ABCB6: variants seen among roughly 807,000 people sequenced by gnomAD.
ABCB6 encodes ATP-binding cassette sub-family B member 6.
In ABCB6, 87 loss-of-function variants were observed where a neutral mutation model predicts 99.4. That is an observed-to-expected ratio of 0.88 (90% confidence interval 0.74 to 1.05). ABCB6 has a LOEUF of 1.05. Ranked by LOEUF, ABCB6 falls within the 50% of genes least tolerant of loss-of-function variation. The probability of loss-of-function intolerance (pLI) is 0.00; values close to 1 mark genes in which losing one functional copy is unlikely to be tolerated. For synonymous variants in ABCB6, 482 were observed against 447.5 expected, an observed-to-expected ratio of 1.08 and a Z score of -0.97; for missense variants, 1,050 against 1,097.9, an observed-to-expected ratio of 0.96 and a Z score of 0.62.
Position 219,216,261 on chromosome 2 carries a change from G to C in ABCB6, c.971-81C>G. 1 of 1,577,158 alleles carries C rather than the reference G, an allele frequency of 6.3e-7. No individual in the cohort carries two copies. Among genetic ancestry groups the C allele is most frequent in the Non-Finnish European group, 8.6e-7 (1 of 1,156,386 alleles). The stretch of plus-strand genomic sequence containing the variant: ...CAGCACCAGGATGTGAAAGGTCTGA[G>C]AGTACATGGGGGCTGGGGAGGAATG... On this transcript the variant is annotated intron_variant, in intron 4 of 18. Coordinates refer to ENST00000265316, the MANE Select transcript of ABCB6 (RefSeq NM_005689.4). This position sits in a 1 kb window ranked among gnomAD's most constrained non-coding sequence, Gnocchi z 4.2.
At chr2:219,215,126 G>C (rs373729410) in intron 5 of ABCB6, 44 bp from the exon 6 acceptor site, 29 of 1,612,312 alleles carry the variant, frequency 1.8e-5, no homozygotes, top group Non-Finnish European at 2.2e-5. Context: ...TGGGGGCTTA[G>C]ACCCAGCAAC....
At chr2:219,212,529 G>T in intron 13 of ABCB6, 38 bp from the exon 14 acceptor site, 1 of 1,566,362 alleles carries the variant, frequency 6.4e-7, no homozygotes, top group Non-Finnish European at 8.8e-7. Context: ...CAGGCCCACT[G>T]GCTTTTTTTT....
chr2:219,218,368 T>G lies in ABCB6; in HGVS notation c.306A>C (p.Pro102=). The change falls in exon 1 of 19, where the codon CCA becomes CCC. Residue 102 remains proline (P), a synonymous_variant. Coordinates refer to ENST00000265316, the MANE Select transcript of ABCB6 (RefSeq NM_005689.4). ...AGRVGTARGA[P]LPSYLLLASV... is the part of the protein sequence containing the mutation. The stretch of plus-strand genomic sequence containing the variant: ...AGGCCAGAAGTAGATAGCTTGGCAG[T>G]GGGGCCCCCCGGGCAGTGCCCACCC... 1 of 1,612,776 alleles carries G rather than the reference T, an allele frequency of 6.2e-7. No individual in the cohort carries two copies. Among genetic ancestry groups the G allele is most frequent in the Non-Finnish European group, 8.5e-7 (1 of 1,179,872 alleles).
At chr2:219,215,707 C>T (rs1574814969) in intron 5 of ABCB6, 1 of 269,722 alleles carries the variant, frequency 3.7e-6, no homozygotes, top group Non-Finnish European at 7.0e-6. Flanking sequence ...TGCCACTGTA[C>T]TCCAGCCTGG....
rs1331682948 is a variant in ABCB6, at chr2:219,218,250, T to A, written c.424A>T (p.Ile142Phe). 1 of 1,613,598 alleles carries A rather than the reference T, an allele frequency of 6.2e-7. No individual in the cohort carries two copies. The highest frequency in any genetic ancestry group is 1.7e-5 in the Admixed American group (1 of 60,028). Residue 142 changes from isoleucine (I) to phenylalanine (F), a missense_variant, in exon 1 of 19, where the codon ATC (isoleucine) becomes TTC (phenylalanine). Coordinates refer to ENST00000265316, the MANE Select transcript of ABCB6 (RefSeq NM_005689.4). ...ARQRLAMGIW[I>F]KFRHSPGLLL... ...AGACCAGGGCTGTGCCTGAACTTGA[T>A]CCAGATGCCCATTGCCAGACGCTGC...
Position 219,213,904 on chromosome 2 carries a change from G to A in ABCB6, c.1500C>T (p.Thr500=), listed in dbSNP as rs766872448. The change falls in exon 9 of 19, where the codon ACC becomes ACT. Residue 500 remains threonine, a synonymous_variant. Coordinates refer to ENST00000265316, the MANE Select transcript of ABCB6 (RefSeq NM_005689.4). The part of the protein sequence containing the change: ...SSASLVLLNQ[T]QNLVIGLGLL... Reference sequence around the variant, plus strand: ...GCCCGAGCCCAATCACCAGGTTCTGGGTCTGATTTAGTAAAACCAGTGAAG... The same window carrying A: ...GCCCGAGCCCAATCACCAGGTTCTGAGTCTGATTTAGTAAAACCAGTGAAG... 2.5e-6 allele frequency: 4 copies of A among 1,614,104 alleles called. No homozygotes were observed. The South Asian group carries it at 4.4e-5, about 18-fold the overall frequency.
rs768732686 is a variant in ABCB6 at position 219,218,372 on chromosome 2, GC to G, written c.301del (p.Ala101ProfsTer149). On this transcript the variant is annotated frameshift_variant, in exon 1 of 19. Coordinates refer to ENST00000265316, the MANE Select transcript of ABCB6 (RefSeq NM_005689.4). LOFTEE classifies it high-confidence loss of function. ...CAGAAGTAGATAGCTTGGCAGTGGG[GC>G]CCCCCGGGCAGTGCCCACCCGGCCA... ...LAGRVGTARGAPLPSYLLLAS... is the reference protein window; with the variant it reads ...LAGRVGTARGXPLPSYLLLAS... 1.2e-6 allele frequency: 2 copies of G among 1,612,708 alleles called. No homozygotes were observed. The highest frequency in any genetic ancestry group is 2.7e-5 in the African/African-American group (2 of 75,050).
rs1055250460 is a variant in ABCB6 at position 219,212,872 on chromosome 2, T to C, written c.1863+136A>G. On this transcript the variant is annotated intron_variant, in intron 13 of 18. Transcript: ENST00000265316. ...CTCTCCAAGAGGTCACCAGTGTCCA[T>C]GGAGGCTGCACCATTCAATCCGGTT... 23 of 1,014,624 alleles carry C rather than the reference T, an allele frequency of 2.3e-5. No individual in the cohort carries two copies. The African/African-American group carries it at 3.4e-4, about 15-fold the overall frequency. The allele number at this position is 1,014,624 out of a possible 1,614,324, so 62.9% of individuals were successfully genotyped here.
At chr2:219,214,229 A>AT in intron 7 of ABCB6, 43 bp from the exon 8 acceptor site, 1 of 1,597,030 alleles carries the variant, frequency 6.3e-7, no homozygotes, top group Non-Finnish European at 8.6e-7. Flanking sequence ...GGCACAGCAC[A>AT]TGGCACTCGG....
At position 219,218,727 on chromosome 2, in the gene ABCB6, G is replaced by A; in HGVS notation, c.-54C>T. On this transcript the variant is annotated 5_prime_UTR_variant, in exon 1 of 19. Coordinates refer to ENST00000265316, the MANE Select transcript of ABCB6 (RefSeq NM_005689.4). ...CGGGCACTGCGGGACCGGAGGCCGG[G>A]ACTGGTCACTCGGAGAGGGGCGCGG... 6.7e-7 allele frequency: 1 copy of A among 1,489,998 alleles called. No individual in the cohort carries two copies. Among genetic ancestry groups the A allele is most frequent in the Non-Finnish European group, 8.9e-7 (1 of 1,119,988 alleles). The allele number at this position is 1,489,998 out of a possible 1,614,324, so 92.3% of individuals were successfully genotyped here. A position where few individuals can be genotyped will look rare whatever the true frequency, so the allele number is the denominator to read the frequency against.
At chr2:219,211,150 C>G (rs535103228) in intron 14 of ABCB6, 42 bp from the exon 15 acceptor site, 117 of 1,604,722 alleles carry the variant, frequency 7.3e-5, no homozygotes, top group Non-Finnish European at 8.8e-5. Flanking sequence ...TGAGATACCC[C>G]CAAGGCCTGG....
In ABCB6 at chr2:219,216,850, G is replaced by A. The variant is rs749806881; in HGVS notation, c.688-18C>T. ...GACCGAACCTAGGATGGTGAAACAC[G>A]TAGGAAGGGAGCTCAGAAATCAAGT... On this transcript the variant is annotated intron_variant, in intron 2 of 18. Transcript: ENST00000265316. The surrounding 1 kb of genome is among the most constrained non-coding windows in gnomAD (Gnocchi z 4.2). 49 of 1,599,156 alleles carry A rather than the reference G, an allele frequency of 3.1e-5. No individual in the cohort carries two copies. The East Asian group carries it at 4.9e-4, about 16-fold the overall frequency.
At position 219,215,973 on chromosome 2, in the gene ABCB6, A is replaced by G. The variant is rs112837517; in HGVS notation, c.1154+24T>C. 71 of 1,535,158 alleles carry G rather than the reference A, an allele frequency of 4.6e-5. 2 individuals are homozygous for G. In the African/African-American group the frequency reaches 6.3e-4, roughly 14 times the overall value. On this transcript the variant is annotated intron_variant, in intron 5 of 18. Coordinates refer to ENST00000265316, the MANE Select transcript of ABCB6 (RefSeq NM_005689.4). ...TGCTTCTCCGGCTCCACCCTCCCAC[A>G]TGCCCTTTCCACTGGGGCGGCACCT...
intron 13 of ABCB6, among the ~76,000 whole-genome samples, chr2:219,212,716 T>G (rs1235105876): frequency 6.6e-6 from 1 of 152,116 alleles, no homozygotes; most frequent in Non-Finnish European, 1.5e-5. Context: ...GAGATAGGGT[T>G]TCACCATGTT....
In ABCB6 at chr2:219,218,516, C is replaced by G; in HGVS notation, c.158G>C (p.Arg53Pro). The change falls in exon 1 of 19, where the codon CGG becomes CCG. Residue 53 changes from arginine to proline, a missense_variant. Transcript: ENST00000265316. ...ALVLALPCRR[R>P]ERPAGADSLS... ...CGAATCAGCACCAGCGGGCCGCTCC[C>G]GGCGTCTGCAGGGAAGAGCCAGCAC... is the stretch of plus-strand genomic sequence containing the variant. 6.2e-7 allele frequency: 1 copy of G among 1,609,952 alleles called. No individual in the cohort carries two copies. Among genetic ancestry groups the G allele is most frequent in the Non-Finnish European group, 8.5e-7 (1 of 1,178,712 alleles).
chr2:219,214,529 G>C (rs1440606350), intron 6 of ABCB6, 31 bp from the exon 7 acceptor site: 1 of 1,495,442 alleles, frequency 6.7e-7, no homozygotes, highest in Non-Finnish European at 9.3e-7. Flanking sequence ...GAGCAGAATA[G>C]GACATCATCC....
chr2:219,215,302 GA>G, intron 5 of ABCB6: 1 of 539,328 alleles, frequency 1.9e-6, no homozygotes, highest in South Asian at 2.3e-5. Flanking sequence ...AGGCATGGAA[GA>G]AAAATATATC....
chr2:219,210,897 AGGAGG>A, intron 15 of ABCB6, 32 bp downstream of exon 15: 2 of 1,613,634 alleles, frequency 1.2e-6, no homozygotes, highest in South Asian at 2.2e-5. Context: ...GGACAACACC[AGGAGG>A]GGAGGGGACT....
chr2:219,212,981 G>C (rs756642643), intron 13 of ABCB6, 27 bp downstream of exon 13: 16 of 1,612,842 alleles, frequency 9.9e-6, no homozygotes, highest in Non-Finnish European at 1.4e-5. Context: ...TGAGGCATCT[G>C]GGCCAAGTGG....
Sources: gnomAD v4.1 joint callset for allele counts (sites outside exome capture counted in the v4.1 genomes callset) on GRCh38, gnomAD v4.1.1 for gene constraint, Gnocchi (gnomAD v3.1) non-coding constraint, MANE v1.5 for transcripts, NCBI Gene and HGNC (gene_info 2026-07-23, HGNC 2026-07-21) for gene names.